Variants in SCAPER observed in about 807,000 individuals in gnomAD.
SCAPER encodes S-phase cyclin A associated protein in the ER.
A neutral mutation model predicts 182.2 loss-of-function variants in SCAPER; 98 were observed. The ratio of observed to expected loss-of-function variants is 0.54; its 90% confidence interval spans 0.46 to 0.64. The LOEUF is 0.64. Among genes scored for constraint, SCAPER ranks in the 30% least tolerant of loss-of-function variants. The probability of loss-of-function intolerance (pLI) is 0.00; values close to 1 mark genes in which losing one functional copy is unlikely to be tolerated. For missense variants in SCAPER, 1,432 were observed against 1,690.0 expected (o/e 0.85, Z 2.68); for synonymous variants, 605 against 564.6 (o/e 1.07, Z -1.01).
intron 17 of SCAPER, among the ~76,000 whole-genome samples, chr15:76,709,337 T>C (rs12148452): frequency 0.38 from 57,753 of 151,958 alleles, 13,047 homozygotes; most frequent in Middle Eastern, 0.53. Context: ...GGTTTCACCA[T>C]GTTGGCCAGG....
At chr15:76,831,394 C>G (rs895278959) in intron 5 of SCAPER, among the ~76,000 whole-genome samples, 2 of 151,992 alleles carry the variant, frequency 1.3e-5, no homozygotes, top group Non-Finnish European at 2.9e-5. Context: ...AGCCCCCACC[C>G]TCCCATAGGA....
chr15:76,524,566 A>G (rs2043045897), intron 23 of SCAPER, among the ~76,000 whole-genome samples: 1 of 151,950 alleles, frequency 6.6e-6, no homozygotes, highest in South Asian at 2.1e-4. Context: ...TTTTGACTCT[A>G]TATTTTTATG....
chr15:76,717,009 A>T (rs188011317), intron 17 of SCAPER, among the ~76,000 whole-genome samples: 5 of 152,206 alleles, frequency 3.3e-5, no homozygotes, highest in Non-Finnish European at 7.4e-5. Context: ...AAGACAATGA[A>T]ATAGTTTTAA....
chr15:76,671,934 G>A (rs1411481954), intron 20 of SCAPER, among the ~76,000 whole-genome samples: 1 of 152,122 alleles, frequency 6.6e-6, no homozygotes, highest in African/African-American at 2.4e-5. Context: ...AGGCTAATTT[G>A]AGAACAGCAT....
At chr15:76,461,354 G>T (rs1386260476) in intron 25 of SCAPER, among the ~76,000 whole-genome samples, 1 of 150,000 alleles carries the variant, frequency 6.7e-6, no homozygotes, top group Non-Finnish European at 1.5e-5. Flanking sequence ...TTACAAAAAA[G>T]ATTATTTTGT....
Position 76,348,210 on chromosome 15 carries a change from G to A in SCAPER, c.*423C>T, listed in dbSNP as rs1176384054. 1 of 152,918 alleles carries A rather than the reference G, an allele frequency of 6.5e-6. No individual in the cohort carries two copies. The highest frequency in any genetic ancestry group is 1.5e-5 in the Non-Finnish European group (1 of 68,572). The allele number at this position is 152,918 out of a possible 1,614,324, so 9.5% of individuals were successfully genotyped here. On this transcript the variant is annotated 3_prime_UTR_variant, in exon 32 of 32. Transcript: ENST00000563290. ...TTTAGAGCAGGTAAACTTTAATTAA[G>A]TCTTTATTTAAGATACTTCAAGAGC...
At chr15:76,371,630 A>C (rs1314206154) in intron 29 of SCAPER, among the ~76,000 whole-genome samples, 2 of 149,516 alleles carry the variant, frequency 1.3e-5, no homozygotes, top group African/African-American at 4.9e-5. Flanking sequence ...TAATATTTCT[A>C]ACATACGGCC....
At chr15:76,592,131 T>G (rs10775212) in intron 22 of SCAPER, among the ~76,000 whole-genome samples, 124,885 of 146,532 alleles carry the variant, frequency 0.85, 51,964 homozygotes, top group Middle Eastern at 0.91. Context: ...GTTATATATA[T>G]AGAGAGATAT....
In SCAPER at chr15:76,771,875, G is replaced by T; in HGVS notation, c.1115C>A (p.Ala372Asp). The T allele has an allele frequency of 6.2e-7, 1 of 1,612,928 alleles. No individual in the cohort carries two copies. Among genetic ancestry groups the T allele is most frequent in the East Asian group, 2.2e-5 (1 of 44,806 alleles). ...AACACACTCTGTATCAATGTGGACA[G>T]CAGATATTTCAGAAGTTCGAACATA... ...DNYVRTSEIS[A>D]VHIDTECVSV... The change falls in exon 10 of 32, where the codon GCT becomes GAT. Residue 372 changes from alanine to aspartate, a missense_variant. Ala to Asp is a moderately radical substitution (Grantham distance 126, BLOSUM62 -2). Coordinates refer to ENST00000563290, the MANE Select transcript of SCAPER (RefSeq NM_020843.4).
chr15:76,714,048 A>T (rs2059745242), intron 17 of SCAPER, among the ~76,000 whole-genome samples: 1 of 150,602 alleles, frequency 6.6e-6, no homozygotes, highest in African/African-American at 2.4e-5. Flanking sequence ...CTACTCAGCA[A>T]TTTTTTTTTT....
chr15:76,884,259 T>G (rs1204688381), intron 1 of SCAPER, among the ~76,000 whole-genome samples: 1 of 152,242 alleles, frequency 6.6e-6, no homozygotes, highest in Non-Finnish European at 1.5e-5. Context: ...CCTTCTGTAT[T>G]CTATTTCAGT....
At chr15:76,475,525 C>T (rs1402140597) in intron 24 of SCAPER, among the ~76,000 whole-genome samples, 1 of 152,130 alleles carries the variant, frequency 6.6e-6, no homozygotes, top group Non-Finnish European at 1.5e-5. Context: ...GTTGGCCAGG[C>T]TGGTCTGGAA....
At chr15:76,576,837 CAG>C (rs1342761994) in intron 22 of SCAPER, 1 of 152,340 alleles carries the variant, frequency 6.6e-6, no homozygotes, top group South Asian at 2.1e-4. Context: ...CTGGCCCCCA[CAG>C]AGAGAGCATT....
intron 29 of SCAPER, among the ~76,000 whole-genome samples, chr15:76,356,706 C>G (rs1391537192): frequency 4.6e-5 from 7 of 152,188 alleles, no homozygotes; most frequent in African/African-American, 7.2e-5. Context: ...CAGCCACCTG[C>G]CTCATCTTTC....
chr15:76,684,650 T>C (rs1472310256), intron 20 of SCAPER, among the ~76,000 whole-genome samples: 1 of 151,888 alleles, frequency 6.6e-6, no homozygotes. Context: ...TATCAATAAC[T>C]ACATGAAAAT....
chr15:76,508,435 T>A (rs1390974360), intron 23 of SCAPER, among the ~76,000 whole-genome samples: 1 of 152,214 alleles, frequency 6.6e-6, no homozygotes, highest in African/African-American at 2.4e-5. Flanking sequence ...GGAGTAGAAC[T>A]GCTGGGTCAC....
At chr15:76,670,910 AT>A (rs2146850436) in intron 20 of SCAPER, among the ~76,000 whole-genome samples, 1 of 152,358 alleles carries the variant, frequency 6.6e-6, no homozygotes, top group East Asian at 1.9e-4. Context: ...CATTAAAATA[AT>A]TACAGTGTTA....
intron 5 of SCAPER, among the ~76,000 whole-genome samples, chr15:76,806,014 G>T (rs2066136655): frequency 6.6e-6 from 1 of 152,058 alleles, no homozygotes; most frequent in Non-Finnish European, 1.5e-5. Flanking sequence ...CAAACATCTT[G>T]TCCCATTATG....
intron 18 of SCAPER, among the ~76,000 whole-genome samples, chr15:76,703,540 C>T (rs574130382): frequency 6.6e-6 from 1 of 152,132 alleles, no homozygotes; most frequent in South Asian, 2.1e-4. Context: ...GGGGAAAAAA[C>T]GCTATTTCAG....
Sources: allele counts gnomAD v4.1 joint callset (sites outside exome capture counted in the v4.1 genomes callset), GRCh38; gene constraint gnomAD v4.1.1; transcripts MANE v1.5; gene names NCBI Gene and HGNC (gene_info 2026-07-23, HGNC 2026-07-21).